The following PRKAR1A variants were observed in gnomAD, a reference collection of about 807,000 sequenced individuals.
The protein encoded by PRKAR1A is cAMP-dependent protein kinase type I-alpha regulatory subunit.
A neutral mutation model predicts 52.0 loss-of-function variants in PRKAR1A; 3 were observed. That is an observed-to-expected ratio of 0.06 (90% CI 0.03 to 0.15). The LOEUF is 0.15. Ranked by LOEUF, PRKAR1A falls within the 10% of genes least tolerant of loss-of-function variation. The pLI is 1.00. For synonymous variants in PRKAR1A, 188 were observed against 168.4 expected (o/e 1.12, Z -0.90); for missense variants, 240 against 477.4 (o/e 0.50, Z 4.63).
the PRKAR1A span, among the ~76,000 whole-genome samples, chr17:68,473,607 C>G: frequency 2.6e-5 from 4 of 152,156 alleles, no homozygotes; most frequent in African/African-American, 9.7e-5. Context: ...ACTGCAACCT[C>G]TGCCTCCCGG....
Position 68,549,672 on chromosome 17 carries a change from G to T in PRKAR1A, c.974-1412G>T, listed in dbSNP as rs935208359. On this transcript the variant is annotated intron_variant, in intron 11 of 11. Transcript: ENST00000585981. ...TTCCTTAGGTTGCCTCTCTCTAACTGGGGCTGTCTTTTGAGTATATATTAT... is the reference window on the plus strand; with the variant it reads ...TTCCTTAGGTTGCCTCTCTCTAACTTGGGCTGTCTTTTGAGTATATATTAT... Among the ~76,000 whole-genome samples, 16 of 152,004 alleles carry T rather than the reference G, an allele frequency of 1.1e-4. No individual in the cohort carries two copies. In the East Asian group the frequency reaches 3.1e-3, roughly 29 times the overall value.
At chr17:68,511,457 T>A (rs1279425654), upstream of PRKAR1A, among the ~76,000 whole-genome samples, 1 of 152,206 alleles carries the variant, frequency 6.6e-6, no homozygotes, top group Non-Finnish European at 1.5e-5. Flanking sequence ...GTGCAGCTTG[T>A]CTGGACAGCT....
chr17:68,465,210 G>A, the PRKAR1A span, among the ~76,000 whole-genome samples: 4 of 152,234 alleles, frequency 2.6e-5, no homozygotes, highest in South Asian at 4.1e-4. Flanking sequence ...GGGATTACAG[G>A]CGTGAGCCAC....
rs1156573190 is a variant in PRKAR1A at position 68,539,336 on chromosome 17, C to T, written c.973+9335C>T. The stretch of plus-strand genomic sequence containing the variant: ...GTATTATCTGCTGCAGGAAAACTTA[C>T]ATGCAGCACTGGGAGAGAGGCGAGA... On this transcript the variant is annotated intron_variant, in intron 11 of 11. Transcript: ENST00000585981. 1.2e-6 allele frequency: 2 copies of T among 1,614,228 alleles called. No homozygotes were observed. Among genetic ancestry groups the T allele is most frequent in the Non-Finnish European group, 1.7e-6 (2 of 1,180,022 alleles).
chr17:68,474,740 A>G, the PRKAR1A span, among the ~76,000 whole-genome samples: 1 of 152,104 alleles, frequency 6.6e-6, no homozygotes, highest in East Asian at 1.9e-4. Flanking sequence ...CTAAAAATAC[A>G]AAAAATTAGC....
chr17:68,432,652 A>G, the PRKAR1A span, among the ~76,000 whole-genome samples: 1 of 152,026 alleles, frequency 6.6e-6, no homozygotes, highest in Non-Finnish European at 1.5e-5. Flanking sequence ...TCAGCGTGAT[A>G]TGGTGCCCAG....
intron 11 of PRKAR1A, among the ~76,000 whole-genome samples, chr17:68,544,582 A>G (rs1473982336): frequency 3.3e-5 from 5 of 152,246 alleles, no homozygotes; most frequent in Non-Finnish European, 7.3e-5. Context: ...AGAAATCTAT[A>G]AATAAGAAGC....
At chr17:68,426,254 G>GGGGGGGGGGGGGCCCCC in the PRKAR1A span, 1 of 816,924 alleles carries the variant, frequency 1.2e-6, no homozygotes, top group Admixed American at 2.3e-5. Context: ...GGGAGCGGGG[G>GGGGGGGGGGGGGCCCCC]CTCAAATAAA....
the PRKAR1A span, among the ~76,000 whole-genome samples, chr17:68,480,362 T>C: frequency 6.6e-6 from 1 of 152,160 alleles, no homozygotes; most frequent in African/African-American, 2.4e-5. Flanking sequence ...GGGAGGTTTT[T>C]GTTTCTTCTG....
the PRKAR1A span, among the ~76,000 whole-genome samples, chr17:68,418,217 T>C: frequency 6.6e-6 from 1 of 152,208 alleles, no homozygotes; most frequent in African/African-American, 2.4e-5. Flanking sequence ...GTGTTGATTT[T>C]TGTTTTCACT....
At chr17:68,523,369 C>T (rs1303720854) in intron 3 of PRKAR1A, among the ~76,000 whole-genome samples, 1 of 152,200 alleles carries the variant, frequency 6.6e-6, no homozygotes, top group Non-Finnish European at 1.5e-5. Flanking sequence ...GCACTTGAGG[C>T]TTGTGAAGCT....
intron 9 of PRKAR1A, 98 bp downstream of exon 9, chr17:68,529,089 T>C (rs1337985059): frequency 7.0e-7 from 1 of 1,434,864 alleles, no homozygotes; most frequent in Non-Finnish European, 9.7e-7. Context: ...AAGAGTGGGC[T>C]AATTCTGAAC....
At chr17:68,496,293 TGG>T in the PRKAR1A span, among the ~76,000 whole-genome samples, 2 of 151,358 alleles carry the variant, frequency 1.3e-5, no homozygotes, top group Non-Finnish European at 2.9e-5. Flanking sequence ...CCACCTCCCT[TGG>T]CCTCCCAAAG....
At chr17:68,430,090 G>T in the PRKAR1A span, 1 of 1,614,138 alleles carries the variant, frequency 6.2e-7, no homozygotes, top group Middle Eastern at 1.6e-4. Context: ...ACCTGGGTAG[G>T]GAGGTAGTTG....
chr17:68,523,976 G>C (rs3730372), intron 4 of PRKAR1A, 40 bp from the exon 5 acceptor site: 41 of 1,607,882 alleles, frequency 2.5e-5, no homozygotes, highest in Non-Finnish European at 3.4e-5. Flanking sequence ...TCACGGAAGA[G>C]ACATGTGAAA....
rs750249854 is a variant in PRKAR1A at position 68,544,829 on chromosome 17, TATC to T, written c.974-6251_974-6249del. 3.1e-4 allele frequency among the ~76,000 whole-genome samples: 47 copies of T among 152,342 alleles called. 1 individual carries two copies. Among genetic ancestry groups the T allele is most frequent in the South Asian group, 2.1e-3 (10 of 4,832 alleles). On this transcript the variant is annotated intron_variant, in intron 11 of 11. Coordinates refer to the PRKAR1A transcript ENST00000585981. ...TTCCTGAGTCCCATCTGTAGGAACA[TATC>T]ATCTTTCAGACACCTTTTAGGTTCT...
At chr17:68,418,412 AT>A in the PRKAR1A span, among the ~76,000 whole-genome samples, 1 of 152,078 alleles carries the variant, frequency 6.6e-6, no homozygotes, top group African/African-American at 2.4e-5. Flanking sequence ...GCAATGAAGA[AT>A]AATCAAATTC....
In PRKAR1A at chr17:68,527,721, A is replaced by G. The variant is rs1347374732; in HGVS notation, c.709-119A>G. ...AATTAAACTTTCCTCATTAAAAGCA[A>G]CAAGCTTTGACTTTCTGGTTTTAAA... On this transcript the variant is annotated intron_variant, in intron 7 of 10. Transcript: ENST00000589228. 4.8e-6 allele frequency: 4 copies of G among 838,058 alleles called. No homozygotes were observed. The East Asian group carries it at 1.1e-4, about 22-fold the overall frequency. The allele number at this position is 838,058 out of a possible 1,614,324, so 51.9% of individuals were successfully genotyped here. A position where few individuals can be genotyped will look rare whatever the true frequency, so the allele number is the denominator to read the frequency against.
the PRKAR1A span, among the ~76,000 whole-genome samples, chr17:68,473,253 A>C: frequency 6.6e-6 from 1 of 152,154 alleles, no homozygotes; most frequent in Non-Finnish European, 1.5e-5. Context: ...TTAAACTAAA[A>C]TTAAGTCTGG....
Sources: allele counts gnomAD v4.1 joint callset (sites outside exome capture counted in the v4.1 genomes callset), GRCh38; gene constraint gnomAD v4.1.1; transcripts MANE v1.5; gene names NCBI Gene and HGNC (gene_info 2026-07-23, HGNC 2026-07-21).